Variants in PTPN4 observed in about 807,000 individuals in gnomAD.
PTPN4 encodes protein tyrosine phosphatase non-receptor type 4.
Under a neutral mutation model 135.5 loss-of-function variants are expected in PTPN4, and 49 were observed. That is an observed-to-expected ratio of 0.36 (90% confidence interval 0.29 to 0.46). PTPN4 has a LOEUF of 0.46. Among genes scored for constraint, PTPN4 ranks in the 20% least tolerant of loss-of-function variants. The pLI, the probability that PTPN4 is intolerant of heterozygous loss-of-function variation, is 1.00. For synonymous variants in PTPN4, 333 were observed against 369.9 expected, an observed-to-expected ratio of 0.90 and a Z score of 1.14; for missense variants, 860 against 1,101.0, an observed-to-expected ratio of 0.78 and a Z score of 3.10.
intron 8 of PTPN4, among the ~76,000 whole-genome samples, chr2:119,884,222 C>G (rs575885519): frequency 6.6e-6 from 1 of 152,264 alleles, no homozygotes; most frequent in South Asian, 2.1e-4. Context: ...TTATATGGCC[C>G]ACAGGCTAAG....
chr2:119,956,237 ATTTTTTT>A (rs10627020), intron 20 of PTPN4, among the ~76,000 whole-genome samples: 2 of 101,042 alleles, frequency 2.0e-5, no homozygotes, highest in Non-Finnish European at 3.8e-5. Context: ...ATAAACCTGA[ATTTTTTT>A]TTTTTTTTTT....
intron 12 of PTPN4, among the ~76,000 whole-genome samples, chr2:119,925,631 C>T (rs963195501): frequency 6.6e-6 from 1 of 152,160 alleles, no homozygotes; most frequent in African/African-American, 2.4e-5. Flanking sequence ...GGACACAGTC[C>T]TGTCCCTAAT....
intron 18 of PTPN4, among the ~76,000 whole-genome samples, chr2:119,949,188 G>C (rs1679177320): frequency 6.6e-6 from 1 of 151,940 alleles, no homozygotes; most frequent in African/African-American, 2.4e-5. Context: ...CTGCCATGTA[G>C]AACTATGTTC....
At chr2:119,902,208 A>G (rs1678415099) in intron 10 of PTPN4, among the ~76,000 whole-genome samples, 1 of 152,238 alleles carries the variant, frequency 6.6e-6, no homozygotes, top group Non-Finnish European at 1.5e-5. Flanking sequence ...TAGAGGAACA[A>G]GGTAAAAAAT....
At chr2:119,787,136 C>T (rs933550778) in intron 1 of PTPN4, among the ~76,000 whole-genome samples, 22 of 152,254 alleles carry the variant, frequency 1.4e-4, no homozygotes, top group Admixed American at 4.6e-4. Flanking sequence ...TTTTGGCTTA[C>T]AGGTTTTAGC....
At chr2:119,775,769 G>C (rs190965532) in intron 1 of PTPN4, among the ~76,000 whole-genome samples, 1 of 152,252 alleles carries the variant, frequency 6.6e-6, no homozygotes, top group African/African-American at 2.4e-5. Context: ...ATTTACAACA[G>C]AGTCAGTCAG....
chr2:119,789,528 A>G (rs1214059122), intron 1 of PTPN4, among the ~76,000 whole-genome samples: 3 of 151,684 alleles, frequency 2.0e-5, no homozygotes, highest in African/African-American at 7.3e-5. Context: ...CTATTCCTAT[A>G]TTTTCTTCTA....
At chr2:119,957,159 T>G (rs1679300777) in intron 22 of PTPN4, 82 bp downstream of exon 22, 1 of 1,248,928 alleles carries the variant, frequency 8.0e-7, no homozygotes, top group African/African-American at 1.5e-5. Flanking sequence ...GTTAAAATCC[T>G]GACCTGGATA....
chr2:119,941,223 A>G (rs1679057761), intron 15 of PTPN4, among the ~76,000 whole-genome samples: 1 of 152,224 alleles, frequency 6.6e-6, no homozygotes, highest in Non-Finnish European at 1.5e-5. Flanking sequence ...ATCTTCCTAG[A>G]TAACTGTTTA....
chr2:119,968,236 A>G (rs1008879335), intron 26 of PTPN4, among the ~76,000 whole-genome samples: 1 of 152,214 alleles, frequency 6.6e-6, no homozygotes, highest in Admixed American at 6.5e-5. Flanking sequence ...AGAGTTTAGA[A>G]GTTGCAACAG....
At chr2:119,960,271 C>A (rs1166644161) in intron 22 of PTPN4, among the ~76,000 whole-genome samples, 1 of 152,124 alleles carries the variant, frequency 6.6e-6, no homozygotes, top group Non-Finnish European at 1.5e-5. Context: ...ACTCAACTTT[C>A]CCAAATACTA....
intron 8 of PTPN4, among the ~76,000 whole-genome samples, chr2:119,885,329 T>C (rs890537781): frequency 3.5e-4 from 53 of 152,210 alleles, no homozygotes; most frequent in African/African-American, 1.2e-3. Flanking sequence ...CAGATTGCTA[T>C]ACAAGCCTCC....
intron 1 of PTPN4, among the ~76,000 whole-genome samples, chr2:119,801,473 C>T (rs1691366348): frequency 1.3e-5 from 2 of 152,064 alleles, no homozygotes; most frequent in South Asian, 4.1e-4. Flanking sequence ...TACATTAAAC[C>T]TGTATGCCTA....
chr2:119,798,968 C>G (rs1317479591), intron 1 of PTPN4, among the ~76,000 whole-genome samples: 1 of 152,130 alleles, frequency 6.6e-6, no homozygotes, highest in Non-Finnish European at 1.5e-5. Flanking sequence ...GTTATGATTG[C>G]TTTATCGAAT....
At chr2:119,829,975 C>CT (rs1301070298) in intron 2 of PTPN4, among the ~76,000 whole-genome samples, 1 of 152,038 alleles carries the variant, frequency 6.6e-6, no homozygotes, top group East Asian at 1.9e-4. Context: ...ATTACCAACA[C>CT]TGTTATTTTC....
rs3835789 is a variant in PTPN4 at position 119,876,897 on chromosome 2, A to ATGTGTGTGTG, written c.247-391_247-382dup. Among the ~76,000 whole-genome samples, 1,040 of 136,108 alleles carry ATGTGTGTGTG rather than the reference A, an allele frequency of 7.6e-3. 11 individuals are homozygous for ATGTGTGTGTG. Among genetic ancestry groups the ATGTGTGTGTG allele is most frequent in the African/African-American group, 0.011 (396 of 36,796 alleles). 89.3% of individuals were successfully genotyped at this position (136,108 alleles called of 152,430 possible). ...CTGAATGAGTATAAAGCCCAAGAGCATGTGTGTGTGTGTGTGTGTGTGTGT... is the reference window on the plus strand; with the variant it reads ...CTGAATGAGTATAAAGCCCAAGAGCATGTGTGTGTGTGTGTGTGTGTGTGTGTGTGTGTGT... On this transcript the variant is annotated intron_variant, in intron 3 of 26. Coordinates refer to ENST00000263708, the MANE Select transcript of PTPN4 (RefSeq NM_002830.4).
At chr2:119,816,255 C>G (rs1187541038) in intron 2 of PTPN4, among the ~76,000 whole-genome samples, 1 of 152,036 alleles carries the variant, frequency 6.6e-6, no homozygotes, top group Non-Finnish European at 1.5e-5. Context: ...GGTAAAGATA[C>G]AGTATTAAAA....
At chr2:119,872,760 C>A (rs1279752313) in intron 3 of PTPN4, among the ~76,000 whole-genome samples, 2 of 152,120 alleles carry the variant, frequency 1.3e-5, no homozygotes, top group Non-Finnish European at 1.5e-5. Context: ...ACCCCAGTAC[C>A]TGACACAGTG....
At chr2:119,847,208 C>T (rs1677513121) in intron 2 of PTPN4, among the ~76,000 whole-genome samples, 1 of 143,188 alleles carries the variant, frequency 7.0e-6, no homozygotes, top group African/African-American at 2.7e-5. Context: ...TATATATATA[C>T]ACACATATGG....
Sources: gnomAD v4.1 joint callset for allele counts (sites outside exome capture counted in the v4.1 genomes callset) on GRCh38, gnomAD v4.1.1 for gene constraint, MANE v1.5 for transcripts, NCBI Gene and HGNC (gene_info 2026-07-23, HGNC 2026-07-21) for gene names.